Variants in LSP1 observed in about 807,000 individuals in gnomAD.
LSP1 encodes lymphocyte specific protein 1, also known as lymphocyte-specific protein 1.
A neutral mutation model predicts 49.3 loss-of-function variants in LSP1; 32 were observed. The ratio of observed to expected loss-of-function variants is 0.65; its 90% CI spans 0.49 to 0.87. LSP1 has a LOEUF of 0.87. Among genes scored for constraint, LSP1 ranks in the 40% least tolerant of loss-of-function variants. LSP1 has a pLI of 0.00. For missense variants in LSP1, 428 were observed against 442.6 expected (o/e 0.97, Z 0.30); for synonymous variants, 179 against 178.8 (o/e 1.00, Z -0.01).
rs746253093 is a variant in LSP1 at position 1,886,821 on chromosome 11, G to A, written c.807G>A (p.Thr269=). ...CCAGTACCAAGAGTCGGTGGGAGAC[G>A]GGTGAGGTACAGGCTCAGTCTGCGG... ...AVASTKSRWE[T]GEVQAQSAAK... The change falls in exon 8 of 11, where the codon ACG becomes ACA. Residue 269 remains threonine (T), a synonymous_variant. Transcript: ENST00000311604. 3 of 1,611,750 alleles carry A rather than the reference G, an allele frequency of 1.9e-6. No individual in the cohort carries two copies. The highest frequency in any genetic ancestry group is 2.5e-6 in the Non-Finnish European group (3 of 1,179,764).
intron 1 of LSP1, chr11:1,870,219 C>A: frequency 8.1e-7 from 1 of 1,241,188 alleles, no homozygotes; most frequent in Non-Finnish European, 1.1e-6. Flanking sequence ...GTGAGTCTCC[C>A]ACGGCCCACT....
Position 1,892,105 on chromosome 11 carries a change from C to T in LSP1, c.*346C>T, listed in dbSNP as rs917669708. On this transcript the variant is annotated 3_prime_UTR_variant, in exon 11 of 11. Coordinates refer to ENST00000311604, the MANE Select transcript of LSP1 (RefSeq NM_002339.3). ...TCTAGGAAGTTAGGAGGTTGAGGCACAGCCTGTGCAGAGAGGGTGGGTCAC... is the reference window on the plus strand; with the variant it reads ...TCTAGGAAGTTAGGAGGTTGAGGCATAGCCTGTGCAGAGAGGGTGGGTCAC... The T allele has an allele frequency of 6.6e-6, 1 of 152,306 alleles. No homozygotes were observed. Among genetic ancestry groups the T allele is most frequent in the Non-Finnish European group, 1.5e-5 (1 of 68,058 alleles). 9.4% of individuals were successfully genotyped at this position (152,306 alleles called of 1,614,324 possible).
intron 8 of LSP1, 124 bp from the exon 9 acceptor site, chr11:1,887,113 G>A (rs1318373741): frequency 9.7e-7 from 1 of 1,028,320 alleles, no homozygotes; most frequent in Non-Finnish European, 1.4e-6. Flanking sequence ...CACAGAAAAA[G>A]TTTAGGTAGG....
In LSP1 at chr11:1,883,572, A is replaced by C. The variant is rs1298213950; in HGVS notation, c.498+12A>C. ...AGGAACAGGAGGAGGTGATGGCTCCACCTCAGAGGGTCTGGGTGTACCCCC... is the reference window on the plus strand; with the variant it reads ...AGGAACAGGAGGAGGTGATGGCTCCCCCTCAGAGGGTCTGGGTGTACCCCC... On this transcript the variant is annotated intron_variant, in intron 4 of 10. Transcript: ENST00000311604. 6.2e-7 allele frequency: 1 copy of C among 1,601,586 alleles called. No homozygotes were observed. Among genetic ancestry groups the C allele is most frequent in the Non-Finnish European group, 8.5e-7 (1 of 1,174,242 alleles).
rs568418725 is a variant in LSP1, at chr11:1,880,507, C to A, written c.191+283C>A. Reference sequence around the variant, plus strand: ...CTCGGACCGCCTCTGACCCCAGCCACGCAGCCTGGCCGAGCCCCCCACCAG... The same window carrying A: ...CTCGGACCGCCTCTGACCCCAGCCAAGCAGCCTGGCCGAGCCCCCCACCAG... On this transcript the variant is annotated intron_variant, in intron 2 of 10. Coordinates refer to ENST00000311604, the MANE Select transcript of LSP1 (RefSeq NM_002339.3). Among the ~76,000 whole-genome samples, 41 of 152,276 alleles carry A rather than the reference C, an allele frequency of 2.7e-4. 1 individual carries two copies. The South Asian group carries it at 7.7e-3, about 28-fold the overall frequency.
At chr11:1,871,219 A>AGAGCAGGCACG (rs1847989459) in intron 1 of LSP1, 1 of 986,356 alleles carries the variant, frequency 1.0e-6, no homozygotes, top group South Asian at 4.7e-5. Flanking sequence ...GGGGGAAGAA[A>AGAGCAGGCACG]GAGCAGGCAC....
At position 1,884,286 on chromosome 11, in the gene LSP1, G is replaced by A. The variant is rs148262402; in HGVS notation, c.598G>A (p.Asp200Asn). The A allele has an allele frequency of 3.7e-6, 6 of 1,613,910 alleles. No individual in the cohort carries two copies. The highest frequency in any genetic ancestry group is 2.2e-5 in the East Asian group (1 of 44,884). ...PPLSPTTKLI[D>N]RTESLNRSIE... ...CTCTCTCCACCCTCTGCAGCTCATC[G>A]ACAGGACCGAGTCCCTAAACCGCTC... The change falls in exon 6 of 11, where the codon GAC (aspartate) becomes AAC (asparagine). Residue 200 changes from aspartate to asparagine, a missense_variant. Asp to Asn is a conservative substitution (Grantham distance 23). Transcript: ENST00000311604. This position sits in a 1 kb window ranked among gnomAD's most constrained non-coding sequence, Gnocchi z 4.1.
chr11:1,881,316 A>T (rs1246170634), intron 2 of LSP1, 116 bp from the exon 3 acceptor site: 1 of 1,039,326 alleles, frequency 9.6e-7, no homozygotes, highest in Admixed American at 2.9e-5. Flanking sequence ...TCTGTGGCAG[A>T]CAGGGTCTCC....
intron 1 of LSP1, among the ~76,000 whole-genome samples, chr11:1,856,642 A>G (rs969761758): frequency 6.6e-6 from 1 of 152,076 alleles, no homozygotes; most frequent in African/African-American, 2.4e-5. Flanking sequence ...GTCCCTGGAG[A>G]CCCTCAGAGC....
intron 1 of LSP1, among the ~76,000 whole-genome samples, chr11:1,856,437 A>T (rs1323686146): frequency 6.6e-6 from 1 of 152,170 alleles, no homozygotes; most frequent in African/African-American, 2.4e-5. Flanking sequence ...TCCTCTGCAG[A>T]CCTTCAAAGG....
chr11:1,870,578 C>T (rs1458441363), intron 1 of LSP1: 16 of 1,131,710 alleles, frequency 1.4e-5, no homozygotes, highest in East Asian at 6.6e-5. Flanking sequence ...AGGAAGATCC[C>T]GGTGCTGTGG....
At chr11:1,870,078 C>T (rs565847912) in intron 1 of LSP1, 18 of 453,570 alleles carry the variant, frequency 4.0e-5, no homozygotes, top group Admixed American at 1.9e-4. Context: ...CCCTGGCGAC[C>T]ATTGTGAGGA....
intron 1 of LSP1, 133 bp downstream of exon 1, chr11:1,853,330 C>T (rs1272437872): frequency 1.9e-5 from 17 of 909,788 alleles, no homozygotes; most frequent in South Asian, 6.9e-5. Context: ...CTTGGATGTC[C>T]GATGGGGAAA....
intron 10 of LSP1, chr11:1,890,201 CT>C (rs1246875928): frequency 1.4e-6 from 1 of 716,946 alleles, no homozygotes; most frequent in South Asian, 1.5e-5. Flanking sequence ...ACGTGGACTT[CT>C]GCAGGGGTGA....
rs1046865683 is a variant in LSP1, at chr11:1,887,090, T to C, written c.853-147T>C. The C allele has an allele frequency of 8.5e-5, 77 of 905,934 alleles. No homozygotes were observed. The African/African-American group carries it at 1.3e-3, about 15-fold the overall frequency. The allele number at this position is 905,934 out of a possible 1,614,324, so 56.1% of individuals were successfully genotyped here. A position where few individuals can be genotyped will look rare whatever the true frequency, so the allele number is the denominator to read the frequency against. On this transcript the variant is annotated intron_variant, in intron 8 of 10. Transcript: ENST00000311604. ...CACCTTTATTCCTTTCCCTGCCTCT[T>C]CCACTGGGATCACACAGAAAAAGTT...
intron 1 of LSP1, among the ~76,000 whole-genome samples, chr11:1,877,992 C>T (rs551262772): frequency 6.6e-6 from 1 of 152,124 alleles, no homozygotes; most frequent in African/African-American, 2.4e-5. Context: ...TACTTCCAAG[C>T]CCCGCCTCCC....
chr11:1,853,161 G>A lies in LSP1; in HGVS notation c.17G>A (p.Ser6Asn), dbSNP rs764861687. 1 of 1,611,522 alleles carries A rather than the reference G, an allele frequency of 6.2e-7. No individual in the cohort carries two copies. Among genetic ancestry groups the A allele is most frequent in the Admixed American group, 1.7e-5 (1 of 59,660 alleles). ...TACAGGCTGATGGCGGAGGCTTCGA[G>A]TGACCCGGGTGCCGAGGAGCGGGAA... MAEASSDPGAEEREEL... is the reference protein window; with the variant it reads MAEASNDPGAEEREEL... Residue 6 changes from serine to asparagine, a missense_variant, in exon 1 of 11, where the codon AGT becomes AAT. Transcript: ENST00000311604.
intron 1 of LSP1, among the ~76,000 whole-genome samples, chr11:1,857,779 G>A (rs1224921586): frequency 1.3e-5 from 2 of 152,182 alleles, no homozygotes; most frequent in Non-Finnish European, 2.9e-5. Context: ...ATTTGAGACA[G>A]AGTCTCGCTC....
chr11:1,856,696 C>G (rs2133053617), intron 1 of LSP1, among the ~76,000 whole-genome samples: 1 of 152,350 alleles, frequency 6.6e-6, no homozygotes, highest in Non-Finnish European at 1.5e-5. Context: ...CCCGGCAGCC[C>G]CCTGGAAGTC....
Sources: allele counts gnomAD v4.1 joint callset (sites outside exome capture counted in the v4.1 genomes callset), GRCh38; gene constraint gnomAD v4.1.1; non-coding constraint Gnocchi (gnomAD v3.1); transcripts MANE v1.5; gene names NCBI Gene and HGNC (gene_info 2026-07-23, HGNC 2026-07-21).